Variants in LRRC17 observed in about 807,000 individuals in gnomAD.
LRRC17 encodes the protein leucine rich repeat containing 17, also known as leucine-rich repeat-containing protein 17.
A neutral mutation model predicts 41.5 loss-of-function variants in LRRC17; 33 were observed. That is an observed-to-expected ratio of 0.80 (90% CI 0.60 to 1.06). The LOEUF is 1.06. LRRC17 is among the 50% of genes least tolerant of loss of function. The pLI is 0.00. For missense variants in LRRC17, 491 were observed against 519.3 expected (o/e 0.95, Z 0.53); for synonymous variants, 192 against 197.0 (o/e 0.97, Z 0.21).
chr7:102,939,622 A>G, intron 3 of LRRC17, 37 bp downstream of exon 3: 3 of 1,557,894 alleles, frequency 1.9e-6, no homozygotes, highest in Non-Finnish European at 2.6e-6. Context: ...ATGGGTGGCA[A>G]GTGTTCTGTG....
At chr7:102,940,685 A>G (rs1358676832) in intron 3 of LRRC17, among the ~76,000 whole-genome samples, 2 of 152,216 alleles carry the variant, frequency 1.3e-5, no homozygotes, top group Admixed American at 6.5e-5. Flanking sequence ...ATCAAGACCA[A>G]TTCTCTTTCC....
At chr7:102,922,206 T>A (rs1376236652) in intron 1 of LRRC17, among the ~76,000 whole-genome samples, 1 of 150,750 alleles carries the variant, frequency 6.6e-6, no homozygotes, top group African/African-American at 2.4e-5. Flanking sequence ...AAAAAAAAAT[T>A]AAATAAATAA....
intron 1 of LRRC17, among the ~76,000 whole-genome samples, chr7:102,918,669 T>C (rs1436856949): frequency 1.3e-5 from 2 of 152,006 alleles, no homozygotes; most frequent in Non-Finnish European, 2.9e-5. Flanking sequence ...TTTTTCAAAT[T>C]TAGCTGGATG....
chr7:102,930,955 AGACACATCTCCT>A (rs1819060489), intron 1 of LRRC17, among the ~76,000 whole-genome samples: 1 of 152,188 alleles, frequency 6.6e-6, no homozygotes, highest in Non-Finnish European at 1.5e-5. Context: ...ACAAAGAACA[AGACACATCTCCT>A]GCCCTTTGGG....
At chr7:102,937,197 T>C (rs1276842542) in intron 2 of LRRC17, among the ~76,000 whole-genome samples, 7 of 152,120 alleles carry the variant, frequency 4.6e-5, no homozygotes, top group Non-Finnish European at 8.8e-5. Flanking sequence ...CCTATTATTT[T>C]AGATTATAAG....
chr7:102,913,014 A>C lies in LRRC17; in HGVS notation c.-272A>C, dbSNP rs547085166. The C allele has an allele frequency of 2.5e-6, 4 of 1,591,472 alleles. No individual in the cohort carries two copies. The highest frequency in any genetic ancestry group is 3.4e-6 in the Non-Finnish European group (4 of 1,161,710). On this transcript the variant is annotated 5_prime_UTR_variant, in exon 1 of 4. Transcript: ENST00000339431. ...CCGTGCACAGCATTAGTATAACGTG[A>C]GGGCTGAATGCAGCCCATTCTCTGG...
intron 1 of LRRC17, among the ~76,000 whole-genome samples, chr7:102,922,918 C>T (rs1480349226): frequency 1.3e-5 from 2 of 152,064 alleles, no homozygotes; most frequent in Non-Finnish European, 2.9e-5. Context: ...GCGGAGCTTG[C>T]AGTGAGCTGA....
intron 1 of LRRC17, among the ~76,000 whole-genome samples, chr7:102,925,336 C>T (rs774098115): frequency 6.6e-6 from 1 of 152,052 alleles, no homozygotes; most frequent in Non-Finnish European, 1.5e-5. Flanking sequence ...TTGAGGCTGC[C>T]GTAAGCCATG....
intron 2 of LRRC17, among the ~76,000 whole-genome samples, chr7:102,936,488 T>C (rs1232640177): frequency 6.6e-6 from 1 of 152,226 alleles, no homozygotes; most frequent in East Asian, 1.9e-4. Flanking sequence ...AAATGTAGTT[T>C]TTCTATAGCC....
intron 2 of LRRC17, 126 bp from the exon 3 acceptor site, chr7:102,939,304 T>C (rs959621867): frequency 3.9e-5 from 29 of 737,282 alleles, no homozygotes; most frequent in African/African-American, 3.7e-4. Flanking sequence ...CTAACTTTCT[T>C]TGGCTTTAGA....
chr7:102,913,082 A>G lies in LRRC17; in HGVS notation c.-204A>G. 1 of 1,614,134 alleles carries G rather than the reference A, an allele frequency of 6.2e-7. No individual in the cohort carries two copies. The highest frequency in any genetic ancestry group is 8.5e-7 in the Non-Finnish European group (1 of 1,180,002). ...CGCAGCAAAGAGAAGACTGAAAGACAAACCTGGGTGCAGCCAGAGAGGTCC... is the reference window on the plus strand; with the variant it reads ...CGCAGCAAAGAGAAGACTGAAAGACGAACCTGGGTGCAGCCAGAGAGGTCC... On this transcript the variant is annotated 5_prime_UTR_variant, in exon 1 of 4. Coordinates refer to ENST00000339431, the MANE Select transcript of LRRC17 (RefSeq NM_001031692.3).
chr7:102,913,064 AAG>A lies in LRRC17; in HGVS notation c.-218_-217del, dbSNP rs1359195230. 1.9e-6 allele frequency: 3 copies of A among 1,613,904 alleles called. No homozygotes were observed. Among genetic ancestry groups the A allele is most frequent in the Non-Finnish European group, 2.5e-6 (3 of 1,179,954 alleles). On this transcript the variant is annotated 5_prime_UTR_variant, in exon 1 of 4. The change creates a premature stop within an existing upstream ORF in the 5' untranslated region. Coordinates refer to ENST00000339431, the MANE Select transcript of LRRC17 (RefSeq NM_001031692.3). ...GAGAACTTCCTCACACACCGCAGCA[AAG>A]AGAAGACTGAAAGACAAACCTGGGT...
At position 102,939,315 on chromosome 7, in the gene LRRC17, T is replaced by C; in HGVS notation, c.773-115T>C. On this transcript the variant is annotated intron_variant, in intron 2 of 3. Coordinates refer to ENST00000339431, the MANE Select transcript of LRRC17 (RefSeq NM_001031692.3). ...CATACTAACTTTCTTTGGCTTTAGA[T>C]ATCCCTTTACCCCTTCTCTTTAAGA... 3 of 827,904 alleles carry C rather than the reference T, an allele frequency of 3.6e-6. No homozygotes were observed. In the South Asian group the frequency reaches 6.1e-5, roughly 17 times the overall value. The allele number at this position is 827,904 out of a possible 1,614,324, so 51.3% of individuals were successfully genotyped here.
intron 1 of LRRC17, among the ~76,000 whole-genome samples, chr7:102,923,809 A>G (rs989915162): frequency 1.3e-5 from 2 of 152,014 alleles, no homozygotes; most frequent in Non-Finnish European, 2.9e-5. Context: ...TGGGTGACAG[A>G]GCAAGATGCC....
chr7:102,925,855 C>T (rs1818013915), intron 1 of LRRC17, among the ~76,000 whole-genome samples: 1 of 150,804 alleles, frequency 6.6e-6, no homozygotes. Context: ...GCATGAGAAT[C>T]GCTTGGACCC....
intron 1 of LRRC17, among the ~76,000 whole-genome samples, chr7:102,927,047 T>G (rs1818276070): frequency 6.6e-6 from 1 of 152,020 alleles, no homozygotes; most frequent in African/African-American, 2.4e-5. Flanking sequence ...AGCTGAAAAC[T>G]GAAGTAAGAG....
intron 1 of LRRC17, among the ~76,000 whole-genome samples, chr7:102,920,686 C>A (rs1816800044): frequency 6.6e-6 from 1 of 151,844 alleles, no homozygotes; most frequent in Admixed American, 6.6e-5. Flanking sequence ...ATCTTTTAAA[C>A]TGCTCTCTTA....
At chr7:102,926,264 C>T (rs1378881584) in intron 1 of LRRC17, 1 of 1,610,490 alleles carries the variant, frequency 6.2e-7, no homozygotes, top group Non-Finnish European at 8.5e-7. Context: ...ACAAATAACA[C>T]AAACATTACC....
rs116292877 is a variant in LRRC17 at position 102,926,240 on chromosome 7, T to A, written c.-140-7534T>A. ...AGCCAGAGACTTTGGGAGCATAATT[T>A]TTTTCAGTGTCATACAAATAACACA... On this transcript the variant is annotated intron_variant, in intron 1 of 3. Transcript: ENST00000339431. 1,077 of 1,586,952 alleles carry A rather than the reference T, an allele frequency of 6.8e-4. 7 individuals are homozygous for A. The African/African-American group carries it at 0.014, about 20-fold the overall frequency.
Sources: gnomAD v4.1 joint callset for allele counts (sites outside exome capture counted in the v4.1 genomes callset) on GRCh38, gnomAD v4.1.1 for gene constraint, MANE v1.5 for transcripts, NCBI Gene and HGNC (gene_info 2026-07-23, HGNC 2026-07-21) for gene names.